The following ARL13B variants were observed in gnomAD, a reference collection of about 807,000 sequenced individuals.
ARL13B encodes the protein ADP-ribosylation factor-like protein 13B.
ARL13B carries 36 observed loss-of-function variants against 56.1 expected under a neutral mutation model. The observed-to-expected ratio is 0.64, with a 90% CI of 0.49 to 0.85. The LOEUF (loss-of-function observed/expected upper bound fraction) is 0.85. Among genes scored for constraint, ARL13B ranks in the 40% least tolerant of loss-of-function variants. ARL13B has a pLI of 0.00. For synonymous variants in ARL13B, 178 were observed against 171.1 expected, an observed-to-expected ratio of 1.04 and a Z score of -0.32; for missense variants, 519 against 507.1, an observed-to-expected ratio of 1.02 and a Z score of -0.23.
At chr3:94,013,862 G>A (rs922739160) in intron 3 of ARL13B, among the ~76,000 whole-genome samples, 2 of 152,168 alleles carry the variant, frequency 1.3e-5, no homozygotes, top group African/African-American at 2.4e-5. Flanking sequence ...CACAAGAATC[G>A]CTTGAAACTG....
chr3:94,032,423 G>C (rs1430447726), intron 3 of ARL13B, among the ~76,000 whole-genome samples: 1 of 152,102 alleles, frequency 6.6e-6, no homozygotes, highest in African/African-American at 2.4e-5. Flanking sequence ...GCGAGATTGT[G>C]TAGCAAAAGG....
At chr3:94,015,444 C>A (rs377427922) in intron 3 of ARL13B, among the ~76,000 whole-genome samples, 1 of 152,090 alleles carries the variant, frequency 6.6e-6, no homozygotes. Flanking sequence ...TCATAAAAAC[C>A]ATTTAAATAG....
intron 1 of ARL13B, among the ~76,000 whole-genome samples, chr3:93,988,299 G>T (rs1392243157): frequency 6.6e-6 from 1 of 151,474 alleles, no homozygotes; most frequent in African/African-American, 2.4e-5. Flanking sequence ...TTAAATGCAG[G>T]ATTCTGACTC....
At chr3:94,020,782 A>G (rs148820541) in intron 3 of ARL13B, among the ~76,000 whole-genome samples, 195 of 152,276 alleles carry the variant, frequency 1.3e-3, no homozygotes, top group African/African-American at 4.5e-3. Context: ...GCATTCTACT[A>G]TTTATTTCAC....
rs569854356 is a variant in ARL13B, at chr3:94,049,210, T to C, written c.1025-196T>C. ...ATCATATTCATTGCTCATTCATTCA[T>C]TCAATAAGCCATCACTTAAAAAATA... is the stretch of plus-strand genomic sequence containing the variant. On this transcript the variant is annotated intron_variant, in intron 7 of 9. Transcript: ENST00000394222. 7.2e-5 allele frequency among the ~76,000 whole-genome samples: 11 copies of C among 152,312 alleles called. No homozygotes were observed. In the East Asian group the frequency reaches 2.1e-3, roughly 29 times the overall value.
intron 1 of ARL13B, among the ~76,000 whole-genome samples, chr3:93,991,034 A>T (rs1356485874): frequency 6.6e-6 from 1 of 152,274 alleles, no homozygotes; most frequent in South Asian, 2.1e-4. Context: ...ATGTATTTGT[A>T]TTTATGTTTT....
At chr3:93,987,604 A>G (rs1293017635) in intron 1 of ARL13B, among the ~76,000 whole-genome samples, 3 of 152,126 alleles carry the variant, frequency 2.0e-5, no homozygotes, top group Non-Finnish European at 4.4e-5. Flanking sequence ...GACATTTCAA[A>G]TTGTACACAA....
chr3:94,045,748 G>A (rs190996689), intron 7 of ARL13B, among the ~76,000 whole-genome samples: 23 of 151,698 alleles, frequency 1.5e-4, no homozygotes, highest in Non-Finnish European at 2.8e-4. Flanking sequence ...GGATCACGAG[G>A]ACAGGAGATC....
chr3:94,002,022 T>C (rs2076064142), intron 2 of ARL13B, among the ~76,000 whole-genome samples: 1 of 152,208 alleles, frequency 6.6e-6, no homozygotes, highest in Non-Finnish European at 1.5e-5. Context: ...CTGTGTAAAC[T>C]TCACTAAGGT....
At chr3:94,013,841 G>A (rs1174064145) in intron 3 of ARL13B, among the ~76,000 whole-genome samples, 1 of 152,174 alleles carries the variant, frequency 6.6e-6, no homozygotes, top group African/African-American at 2.4e-5. Flanking sequence ...CAGCTACTCA[G>A]GAGGCTAAGG....
At chr3:94,022,556 A>G (rs2076470805) in intron 3 of ARL13B, among the ~76,000 whole-genome samples, 1 of 151,918 alleles carries the variant, frequency 6.6e-6, no homozygotes, top group African/African-American at 2.4e-5. Flanking sequence ...TGGTTAATCA[A>G]TATTTTGTGT....
chr3:94,016,308 C>G (rs994966098), intron 3 of ARL13B, among the ~76,000 whole-genome samples: 1 of 151,918 alleles, frequency 6.6e-6, no homozygotes, highest in African/African-American at 2.4e-5. Context: ...AAAAAAAGGT[C>G]TCTGAATGTG....
intron 3 of ARL13B, chr3:94,015,213 T>C (rs755362007): frequency 6.3e-7 from 1 of 1,595,994 alleles, no homozygotes. Context: ...CATGACTGTC[T>C]CTAGAGAGTT....
Position 94,055,042 on chromosome 3 carries a change from C to T in ARL13B, c.*1779C>T. On this transcript the variant is annotated 3_prime_UTR_variant, in exon 10 of 10. Coordinates refer to ENST00000394222, the MANE Select transcript of ARL13B (RefSeq NM_001174150.2). Reference sequence around the variant, plus strand: ...CTATCTGTTTACTATAGTGTAGCTACTGGCTTCATTTAATAAAAATAAATG... The same window carrying T: ...CTATCTGTTTACTATAGTGTAGCTATTGGCTTCATTTAATAAAAATAAATG... 5.6e-6 allele frequency: 2 copies of T among 356,748 alleles called. No individual in the cohort carries two copies. Among genetic ancestry groups the T allele is most frequent in the South Asian group, 4.6e-5 (2 of 43,328 alleles). The allele number at this position is 356,748 out of a possible 1,614,324, so 22.1% of individuals were successfully genotyped here. A position where few individuals can be genotyped will look rare whatever the true frequency, so the allele number is the denominator to read the frequency against.
chr3:93,997,473 A>G (rs1430929526), intron 2 of ARL13B, among the ~76,000 whole-genome samples: 2 of 152,244 alleles, frequency 1.3e-5, no homozygotes, highest in Non-Finnish European at 2.9e-5. Flanking sequence ...AATGTTAAGT[A>G]AATTATCTGT....
At chr3:94,024,286 A>G (rs1181098638) in intron 3 of ARL13B, among the ~76,000 whole-genome samples, 7 of 152,230 alleles carry the variant, frequency 4.6e-5, no homozygotes, top group Non-Finnish European at 1.5e-5. Context: ...ATTATTTTTT[A>G]AACTGGGTTG....
chr3:94,017,474 T>C (rs2076357009), intron 3 of ARL13B, among the ~76,000 whole-genome samples: 1 of 152,198 alleles, frequency 6.6e-6, no homozygotes, highest in African/African-American at 2.4e-5. Flanking sequence ...GTTACAGAAA[T>C]GATGCCTGTT....
At chr3:94,033,809 G>T (rs1196775632) in intron 3 of ARL13B, among the ~76,000 whole-genome samples, 2 of 152,100 alleles carry the variant, frequency 1.3e-5, no homozygotes, top group Admixed American at 6.6e-5. Context: ...TTGCCAAAAA[G>T]ATTTCATCTG....
chr3:94,028,793 G>C (rs1167190563), intron 3 of ARL13B, among the ~76,000 whole-genome samples: 2 of 152,098 alleles, frequency 1.3e-5, no homozygotes, highest in East Asian at 1.9e-4. Context: ...AAATGGGTTT[G>C]TATTTAAACA....
Sources: gnomAD v4.1 joint callset for allele counts (sites outside exome capture counted in the v4.1 genomes callset) on GRCh38, gnomAD v4.1.1 for gene constraint, MANE v1.5 for transcripts, NCBI Gene and HGNC (gene_info 2026-07-23, HGNC 2026-07-21) for gene names.